The following PVT1 variants were observed in gnomAD, a reference collection of about 807,000 sequenced individuals.
The protein encoded by PVT1 is CXCR4/PVT1 fusion.
At chr8:127,909,470 G>C (rs1815864717) in intron 3 of PVT1, among the ~76,000 whole-genome samples, 1 of 152,202 alleles carries the variant, frequency 6.6e-6, no homozygotes, top group Non-Finnish European at 1.5e-5. Flanking sequence ...TCTGAGCCTT[G>C]TTTTTCCCAG....
chr8:127,890,218 G>A (rs1815583632), intron 2 of PVT1, among the ~76,000 whole-genome samples: 3 of 152,212 alleles, frequency 2.0e-5, no homozygotes, highest in Admixed American at 2.0e-4. Context: ...GGACCTCTCA[G>A]CCCTGCAGGG....
intron 2 of PVT1, among the ~76,000 whole-genome samples, chr8:127,876,665 G>A (rs1353654393): frequency 6.6e-6 from 1 of 152,104 alleles, no homozygotes; most frequent in Admixed American, 6.5e-5. Context: ...AGTGGGATCT[G>A]TCCTCTAAGC....
At chr8:127,932,408 A>G (rs991439449) in intron 3 of PVT1, 2 of 398,536 alleles carry the variant, frequency 5.0e-6, no homozygotes, top group Non-Finnish European at 8.8e-6. Flanking sequence ...AGGCTCGAAC[A>G]TGGGAGGACA....
intron 2 of PVT1, among the ~76,000 whole-genome samples, chr8:127,825,762 A>G (rs573933041): frequency 5.9e-5 from 9 of 152,334 alleles, no homozygotes; most frequent in African/African-American, 9.6e-5. Context: ...TACCTTCTTC[A>G]TATGGCGTGC....
At chr8:127,881,215 C>T (rs1408019880) in intron 2 of PVT1, among the ~76,000 whole-genome samples, 1 of 152,024 alleles carries the variant, frequency 6.6e-6, no homozygotes, top group Admixed American at 6.5e-5. Context: ...GAGTCTGACT[C>T]GTGGGAGTAA....
At chr8:127,990,174 C>G (rs907477072) in intron 4 of PVT1, among the ~76,000 whole-genome samples, 1 of 152,174 alleles carries the variant, frequency 6.6e-6, no homozygotes, top group East Asian at 1.9e-4. Context: ...TTGTGCCCAG[C>G]CCCTTACCCA....
At chr8:128,088,297 A>G (rs1266869212) in intron 5 of PVT1, among the ~76,000 whole-genome samples, 1 of 152,174 alleles carries the variant, frequency 6.6e-6, no homozygotes, top group African/African-American at 2.4e-5. Flanking sequence ...GCAGGGGCCA[A>G]GGTTAATTCA....
At chr8:128,018,136 C>CT (rs1240976041) in intron 4 of PVT1, among the ~76,000 whole-genome samples, 4 of 152,262 alleles carry the variant, frequency 2.6e-5, no homozygotes, top group African/African-American at 9.6e-5. Flanking sequence ...GCACAGAATT[C>CT]TTTCTTCAGC....
chr8:127,907,579 G>T (rs1251157561), intron 3 of PVT1, among the ~76,000 whole-genome samples: 1 of 152,176 alleles, frequency 6.6e-6, no homozygotes, highest in Non-Finnish European at 1.5e-5. Context: ...CAGGGAGCGG[G>T]CGGACAGGGC....
intron 5 of PVT1, among the ~76,000 whole-genome samples, chr8:128,077,779 T>C (rs538787484): frequency 4.6e-5 from 7 of 152,316 alleles, no homozygotes; most frequent in Non-Finnish European, 8.8e-5. Flanking sequence ...ACAAGTCACA[T>C]TGACACTCCC....
intron 2 of PVT1, among the ~76,000 whole-genome samples, chr8:127,861,967 G>A (rs1450080111): frequency 6.6e-6 from 1 of 152,144 alleles, no homozygotes; most frequent in African/African-American, 2.4e-5. Flanking sequence ...CACACCCCAG[G>A]AATTTAATAG....
At chr8:127,974,379 C>T (rs1410845814) in intron 3 of PVT1, among the ~76,000 whole-genome samples, 1 of 151,746 alleles carries the variant, frequency 6.6e-6, no homozygotes, top group Non-Finnish European at 1.5e-5. Context: ...GAAGTTTTCC[C>T]AAAAAAAGTC....
intron 2 of PVT1, among the ~76,000 whole-genome samples, chr8:127,885,158 A>G (rs1246869927): frequency 1.3e-5 from 2 of 150,170 alleles, no homozygotes; most frequent in Non-Finnish European, 3.0e-5. Flanking sequence ...CAGGGCTGGC[A>G]GGTCTTGGTG....
chr8:127,984,794 A>G (rs1025691791), intron 3 of PVT1, among the ~76,000 whole-genome samples: 3 of 151,722 alleles, frequency 2.0e-5, no homozygotes, highest in Non-Finnish European at 4.4e-5. Flanking sequence ...TTTAGTGGAG[A>G]CAGGGGTCTC....
rs551204052 is a variant in PVT1, at chr8:127,833,780, C to T, written n.372+37709C>T. On this transcript the variant is annotated intron_variant and non_coding_transcript_variant, in intron 2 of 10. Transcript: ENST00000651587. ...CTTGGCCCGAGGGCATTGGCTCTGCCTGGCTCCAGAGGGATATGAAGCCAT... is the reference window on the plus strand; with the variant it reads ...CTTGGCCCGAGGGCATTGGCTCTGCTTGGCTCCAGAGGGATATGAAGCCAT... Among the ~76,000 whole-genome samples the T allele has an allele frequency of 2.6e-5, 4 of 152,298 alleles. No homozygotes were observed. The East Asian group carries it at 7.7e-4, about 29-fold the overall frequency.
At chr8:128,069,399 A>C (rs1813953598) in intron 4 of PVT1, among the ~76,000 whole-genome samples, 1 of 152,212 alleles carries the variant, frequency 6.6e-6, no homozygotes, top group East Asian at 1.9e-4. Context: ...GAATGACGTC[A>C]CGAAAGGACA....
chr8:127,910,374 C>G (rs1402234564), intron 3 of PVT1, among the ~76,000 whole-genome samples: 1 of 152,190 alleles, frequency 6.6e-6, no homozygotes, highest in East Asian at 1.9e-4. Flanking sequence ...TTGGCTTCTC[C>G]AAACTTTGGT....
chr8:127,994,406 T>A (rs1817080084), intron 4 of PVT1, among the ~76,000 whole-genome samples: 1 of 152,210 alleles, frequency 6.6e-6, no homozygotes, highest in Admixed American at 6.5e-5. Context: ...CTCTCTGCCC[T>A]TGTCCACTTT....
chr8:127,848,513 A>G (rs1815064710), intron 2 of PVT1, among the ~76,000 whole-genome samples: 1 of 151,998 alleles, frequency 6.6e-6, no homozygotes, highest in Non-Finnish European at 1.5e-5. Context: ...GAGAAACCCC[A>G]TCCCTACTAA....
Sources: gnomAD v4.1 joint callset for allele counts (sites outside exome capture counted in the v4.1 genomes callset) on GRCh38, gnomAD v4.1.1 for gene constraint, MANE v1.5 for transcripts, NCBI Gene and HGNC (gene_info 2026-07-23, HGNC 2026-07-21) for gene names.